Variants in NOX1 observed in about 807,000 individuals in gnomAD.
NOX1 encodes the protein NADH/NADPH mitogenic oxidase subunit P65-MOX.
Under a neutral mutation model 42.5 loss-of-function variants are expected in NOX1, and 34 were observed. The ratio of observed to expected loss-of-function variants is 0.80; its 90% CI spans 0.61 to 1.07. The LOEUF is 1.07. NOX1 is among the 50% of genes least tolerant of loss of function. The pLI is 0.00. For missense variants in NOX1, 408 were observed against 427.0 expected (o/e 0.96, Z 0.39); for synonymous variants, 143 against 152.5 (o/e 0.94, Z 0.46).
chrX:100,870,437 A>G (rs1254893843), intron 2 of NOX1, among the ~76,000 whole-genome samples: 1 of 111,499 alleles, frequency 9.0e-6, no homozygotes, highest in East Asian at 2.8e-4. Context: ...AGATGGGGTT[A>G]TCAGATTTAT....
chrX:100,843,406 A>C lies in NOX1; in HGVS notation c.*546T>G. The C allele has an allele frequency of 8.7e-7, 1 of 1,147,044 alleles. No homozygotes were observed. The highest frequency in any genetic ancestry group is 1.2e-6 in the Non-Finnish European group (1 of 865,525). The allele number at this position is 1,147,044 out of a possible 1,213,427, so 94.5% of individuals were successfully genotyped here. A position where few individuals can be genotyped will look rare whatever the true frequency, so the allele number is the denominator to read the frequency against. On this transcript the variant is annotated 3_prime_UTR_variant, in exon 13 of 13. Coordinates refer to ENST00000372966, the MANE Select transcript of NOX1 (RefSeq NM_007052.5). The stretch of plus-strand genomic sequence containing the variant: ...GTTCACACTGGATAAGACCATATCA[A>C]AAGTGACAGTAAACATGTACACTGT...
rs2085091824 is a variant in NOX1, at chrX:100,848,753, AC to A, written c.1444del (p.Val482LeufsTer6). On this transcript the variant is annotated frameshift_variant and splice_region_variant, in exon 12 of 13. Coordinates refer to ENST00000372966, the MANE Select transcript of NOX1 (RefSeq NM_007052.5). LOFTEE classifies it high-confidence loss of function. The stretch of plus-strand genomic sequence containing the variant: ...GTCAAAGTTTAATGCTGCATGACCA[AC>A]CTGGATTCAGAGGAATAAAAGTTAG... ...LFLTGWDSNI[V>X]GHAALNFDKA... 1.7e-5 allele frequency: 20 copies of A among 1,210,028 alleles called. No homozygotes were observed. Among genetic ancestry groups the A allele is most frequent in the Non-Finnish European group, 2.2e-5 (20 of 894,351 alleles).
chrX:100,862,396 T>G lies in NOX1; in HGVS notation c.667A>C (p.Ile223Leu). 1 of 1,210,677 alleles carries G rather than the reference T, an allele frequency of 8.3e-7. No individual in the cohort carries two copies. Among genetic ancestry groups the G allele is most frequent in the African/African-American group, 1.7e-5 (1 of 57,762 alleles). Reference sequence around the variant, plus strand: ...ATGAGGGTTCGAGGATCTTACCCAATGCCGTGAATCCCTAAGCCAAGGATA... The same window carrying G: ...ATGAGGGTTCGAGGATCTTACCCAAGGCCGTGAATCCCTAAGCCAAGGATA... ...FYILGLGIHG[I>L]GGIVRGQTEE... Residue 223 changes from isoleucine to leucine, a missense_variant, in exon 6 of 13, where the codon ATT (isoleucine) becomes CTT (leucine). Transcript: ENST00000372966.
At position 100,850,383 on chromosome X, in the gene NOX1, C is replaced by T; in HGVS notation, c.901G>A (p.Val301Ile). ...TCCAAAACTTTGGATGGGTGCATAA[C>T]AACCTGTGAATGAAGCACATAGACC... is the stretch of plus-strand genomic sequence containing the variant. ...SQQKVVITKV[V>I]MHPSKVLELQ... is the part of the protein sequence containing the mutation. The change falls in exon 9 of 13, where the codon GTT (valine) becomes ATT (isoleucine). Residue 301 changes from valine (V) to isoleucine (I), a missense_variant. Physicochemically the swap from Val to Ile is conservative, Grantham distance 29 (BLOSUM62 3). Transcript: ENST00000372966. 1 of 1,161,233 alleles carries T rather than the reference C, an allele frequency of 8.6e-7. No homozygotes were observed. The highest frequency in any genetic ancestry group is 1.2e-6 in the Non-Finnish European group (1 of 862,265).
chrX:100,851,252 T>C lies in NOX1; in HGVS notation c.878A>G (p.Gln293Arg), dbSNP rs778984604. 3.0e-5 allele frequency: 36 copies of C among 1,188,336 alleles called. No individual in the cohort carries two copies. The South Asian group carries it at 4.0e-4, about 13-fold the overall frequency. Reference sequence around the variant, plus strand: ...CTTTACCTTGGTAATCACAACCTTCTGCTGGGAGCGGTAAAACCGGAGGAT... The same window carrying C: ...CTTTACCTTGGTAATCACAACCTTCCGCTGGGAGCGGTAAAACCGGAGGAT... ...ERILRFYRSQ[Q>R]KVVITKVVMH... The change falls in exon 8 of 13, where the codon CAG becomes CGG. Residue 293 changes from glutamine (Q) to arginine (R), a missense_variant. Coordinates refer to ENST00000372966, the MANE Select transcript of NOX1 (RefSeq NM_007052.5).
chrX:100,853,283 T>TC lies in NOX1; in HGVS notation c.805-1959_805-1958insG, dbSNP rs1491024841. On this transcript the variant is annotated intron_variant, in intron 7 of 12. Transcript: ENST00000372966. ...CTTCCTTTCTTTCTTTCTTTCTTTC[T>TC]TTCTTTCTTTCTTTCTTTCTTTCTT... 1.7e-4 allele frequency among the ~76,000 whole-genome samples: 13 copies of TC among 78,533 alleles called. 1 individual carries two copies. Among genetic ancestry groups the TC allele is most frequent in the African/African-American group, 5.8e-4 (12 of 20,830 alleles). The allele number at this position is 78,533 out of a possible 115,157, so 68.2% of individuals were successfully genotyped here.
At chrX:100,872,693 C>G (rs12838901) in intron 1 of NOX1, among the ~76,000 whole-genome samples, 2 of 109,701 alleles carry the variant, frequency 1.8e-5, no homozygotes, top group African/African-American at 6.7e-5. Context: ...GATTTTAGAG[C>G]TAGAAACACC....
intron 8 of NOX1, among the ~76,000 whole-genome samples, chrX:100,850,782 G>A (rs1335102575): frequency 9.0e-6 from 1 of 111,202 alleles, no homozygotes. Flanking sequence ...TTTCGGCCAA[G>A]CCCCTCTTTC....
intron 7 of NOX1, chrX:100,856,187 A>T (rs758553510): frequency 4.2e-6 from 4 of 946,219 alleles, no homozygotes; most frequent in Non-Finnish European, 6.0e-6. Flanking sequence ...CACCTCCTCC[A>T]CAGTGGCGTA....
chrX:100,853,141 A>G (rs2085125827), intron 7 of NOX1, among the ~76,000 whole-genome samples: 1 of 111,264 alleles, frequency 9.0e-6, no homozygotes, highest in Non-Finnish European at 1.9e-5. Flanking sequence ...ATTATGCACG[A>G]GTAAAGTAAT....
Position 100,869,345 on chromosome X carries a change from G to A in NOX1, c.141+1374C>T, listed in dbSNP as rs1274452715. Among the ~76,000 whole-genome samples, 93 of 108,863 alleles carry A rather than the reference G, an allele frequency of 8.5e-4. 1 individual carries two copies. Among genetic ancestry groups the A allele is most frequent in the African/African-American group, 2.5e-3 (76 of 29,876 alleles). 94.5% of individuals were successfully genotyped at this position (108,863 alleles called of 115,157 possible). A position where few individuals can be genotyped will look rare whatever the true frequency, so the allele number is the denominator to read the frequency against. The stretch of plus-strand genomic sequence containing the variant: ...ATCCTCTTTTATTTCCTTGAGCAGC[G>A]GTTTGTAGTTCTCCTTGAAGAGGTC... On this transcript the variant is annotated intron_variant, in intron 2 of 12. Transcript: ENST00000372966.
intron 2 of NOX1, 107 bp from the exon 3 acceptor site, chrX:100,863,702 C>G (rs34489948): frequency 6.1e-4 from 656 of 1,073,140 alleles, no homozygotes; most frequent in Non-Finnish European, 7.5e-4. Context: ...AACAGGGCTA[C>G]AGCTGCCTCT....
chrX:100,853,292 T>TTCCTTCTCTCTCTTTC (rs2085134056), intron 7 of NOX1, among the ~76,000 whole-genome samples: 1 of 65,923 alleles, frequency 1.5e-5, no homozygotes, highest in African/African-American at 7.3e-5. Flanking sequence ...CTTTCTTTCT[T>TTCCTTCTCTCTCTTTC]TCTTTCTTTC....
intron 7 of NOX1, among the ~76,000 whole-genome samples, chrX:100,853,275 TTTC>T (rs2085131540): frequency 1.5e-5 from 1 of 68,269 alleles, no homozygotes; most frequent in African/African-American, 6.1e-5. Context: ...TCTTTCTTTC[TTTC>T]TTTCTTTCTT....
chrX:100,868,967 T>C (rs2085256037), intron 2 of NOX1, among the ~76,000 whole-genome samples: 1 of 111,090 alleles, frequency 9.0e-6, no homozygotes, highest in South Asian at 3.8e-4. Context: ...GATCAGATAG[T>C]TGTAGATATG....
chrX:100,849,772 C>CT lies in NOX1; in HGVS notation c.1295dup (p.Ile433AspfsTer58). On this transcript the variant is annotated frameshift_variant and splice_region_variant, in exon 10 of 13. Transcript: ENST00000372966. LOFTEE classifies it high-confidence loss of function. ...AGAAAAGTGATATACGGGATTATAC[C>CT]TTTTTTGTTTTGAGGTTGTGGTCTG... is the stretch of plus-strand genomic sequence containing the variant. 8.3e-7 allele frequency: 1 copy of CT among 1,200,537 alleles called. No homozygotes were observed. The highest frequency in any genetic ancestry group is 1.8e-5 in the South Asian group (1 of 54,757).
At chrX:100,851,207 G>A (rs781545560) in intron 8 of NOX1, 26 bp downstream of exon 8, 2 of 953,100 alleles carry the variant, frequency 2.1e-6, no homozygotes, top group Admixed American at 2.4e-5. Context: ...TCTTATCACA[G>A]CAAGAGGAAA....
chrX:100,870,804 A>G lies in NOX1; in HGVS notation c.56T>C (p.Leu19Ser). 8.7e-7 allele frequency: 1 copy of G among 1,155,843 alleles called. No homozygotes were observed. Among genetic ancestry groups the G allele is most frequent in the Non-Finnish European group, 1.2e-6 (1 of 852,768 alleles). ...WFSVLFLVVW[L>S]GLNVFLFVDA... ...CACAAACAGGAAAACATTCAGCCCT[A>G]ACCAAACAACCTAGAGAAAGAAAAA... is the stretch of plus-strand genomic sequence containing the variant. The change falls in exon 2 of 13, where the codon TTA becomes TCA. Residue 19 changes from leucine to serine, a missense_variant. Physicochemically the swap from Leu to Ser is moderately radical, Grantham distance 145. Coordinates refer to ENST00000372966, the MANE Select transcript of NOX1 (RefSeq NM_007052.5).
chrX:100,847,594 A>G (rs766762871), intron 12 of NOX1, among the ~76,000 whole-genome samples: 29 of 108,362 alleles, frequency 2.7e-4, no homozygotes, highest in Middle Eastern at 9.2e-3. Flanking sequence ...GTGAAACACC[A>G]TCTCTACTAA....
Sources: allele counts gnomAD v4.1 joint callset (sites outside exome capture counted in the v4.1 genomes callset), GRCh38; gene constraint gnomAD v4.1.1; transcripts MANE v1.5; gene names NCBI Gene and HGNC (gene_info 2026-07-23, HGNC 2026-07-21).